CAMTA1: variants seen among roughly 807,000 people sequenced by gnomAD.
CAMTA1 encodes calmodulin-binding transcription activator 1.
CAMTA1 carries 27 observed loss-of-function variants against 170.9 expected under a neutral mutation model. That is an observed-to-expected ratio of 0.16 (90% confidence interval 0.12 to 0.22). CAMTA1 has a LOEUF of 0.22. CAMTA1 is among the 10% of genes least tolerant of loss of function. CAMTA1 has a pLI of 1.00. For synonymous variants in CAMTA1, 833 were observed against 891.5 expected, an observed-to-expected ratio of 0.93 and a Z score of 1.17; for missense variants, 1,619 against 2,217.2, an observed-to-expected ratio of 0.73 and a Z score of 5.42.
intron 3 of CAMTA1, among the ~76,000 whole-genome samples, chr1:6,926,524 C>G (rs1683273930): frequency 7.1e-6 from 1 of 141,150 alleles, no homozygotes; most frequent in African/African-American, 2.6e-5. Context: ...TTCCTTCTTT[C>G]TTTCTCTCTC....
intron 4 of CAMTA1, among the ~76,000 whole-genome samples, chr1:7,220,759 C>G (rs566613588): frequency 4.6e-5 from 7 of 152,234 alleles, no homozygotes; most frequent in African/African-American, 7.2e-5. Flanking sequence ...AGGAATTGTG[C>G]TCGGGCACCC....
At chr1:7,517,393 T>G (rs2094301665) in intron 6 of CAMTA1, among the ~76,000 whole-genome samples, 1 of 152,188 alleles carries the variant, frequency 6.6e-6, no homozygotes, top group Non-Finnish European at 1.5e-5. Flanking sequence ...TCCCTAAAGC[T>G]GTTCCCCAAC....
chr1:7,003,529 G>GTGC (rs1038145469), intron 3 of CAMTA1, among the ~76,000 whole-genome samples: 2 of 152,224 alleles, frequency 1.3e-5, no homozygotes, highest in African/African-American at 4.8e-5. Context: ...GCTTAGGGAG[G>GTGC]TGCTGATGGA....
chr1:7,633,499 A>G lies in CAMTA1; in HGVS notation c.511-6901A>G, dbSNP rs989990182. On this transcript the variant is annotated intron_variant, in intron 6 of 22. Transcript: ENST00000303635. This position sits in a 1 kb window ranked among gnomAD's most constrained non-coding sequence, Gnocchi z 4.1. ...GGATGGACACCGACTCCTTCCCCGC[A>G]CCCTAGTCTCTGTCTGTCCCTCTAG... Among the ~76,000 whole-genome samples the G allele has an allele frequency of 3.3e-5, 5 of 151,736 alleles. No homozygotes were observed. The highest frequency in any genetic ancestry group is 1.2e-4 in the African/African-American group (5 of 41,272).
chr1:7,542,839 G>GTT (rs200299440), intron 6 of CAMTA1, among the ~76,000 whole-genome samples: 92,745 of 128,734 alleles, frequency 0.72, 30,406 homozygotes, highest in Middle Eastern at 0.76. Flanking sequence ...CTAAAACACA[G>GTT]TGTGTGTGTG....
rs569947730 is a variant in CAMTA1, at chr1:7,344,384, G to A, written c.438+94758G>A. Among the ~76,000 whole-genome samples the A allele has an allele frequency of 9.2e-5, 14 of 152,302 alleles. No homozygotes were observed. In the South Asian group the frequency reaches 2.9e-3, roughly 32 times the overall value. On this transcript the variant is annotated intron_variant, in intron 5 of 22. Coordinates refer to ENST00000303635, the MANE Select transcript of CAMTA1 (RefSeq NM_015215.4). ...AGTCCTACCACATTCTATTGATGAA[G>A]CAAGTGACCAAGGCTGGCTGGATTA...
intron 4 of CAMTA1, among the ~76,000 whole-genome samples, chr1:7,220,724 C>A (rs1221816944): frequency 6.6e-6 from 1 of 152,254 alleles, no homozygotes; most frequent in Non-Finnish European, 1.5e-5. Context: ...GAGAGCCAAT[C>A]TTAGGCTGAG....
At chr1:7,354,421 T>C (rs374990451) in intron 5 of CAMTA1, among the ~76,000 whole-genome samples, 7 of 151,678 alleles carry the variant, frequency 4.6e-5, no homozygotes, top group Admixed American at 4.6e-4. Flanking sequence ...AGTGCTGGGA[T>C]TACAGGCTTG....
chr1:7,192,904 C>T lies in CAMTA1; in HGVS notation c.303-56587C>T, dbSNP rs144104867. On this transcript the variant is annotated intron_variant, in intron 4 of 22. Transcript: ENST00000303635. The stretch of plus-strand genomic sequence containing the variant: ...CAAGCTTTAGTCTGAGGTTCTAAGT[C>T]ATGCTGTGAAGGTCTCTGCAGAGTC... Among the ~76,000 whole-genome samples the T allele has an allele frequency of 5.9e-5, 9 of 152,320 alleles. No homozygotes were observed. The East Asian group carries it at 1.7e-3, about 29-fold the overall frequency.
At chr1:7,512,747 G>A (rs978832404) in intron 6 of CAMTA1, among the ~76,000 whole-genome samples, 7 of 152,250 alleles carry the variant, frequency 4.6e-5, no homozygotes, top group African/African-American at 1.7e-4. Flanking sequence ...CTGCTGAACA[G>A]AAGTGCATCC....
chr1:6,932,139 C>A (rs79609874), intron 3 of CAMTA1, among the ~76,000 whole-genome samples: 2,236 of 152,308 alleles, frequency 0.015, 45 homozygotes, highest in African/African-American at 0.051. Flanking sequence ...GTACCCATCA[C>A]CCCAGAAGTA....
At chr1:7,129,076 G>A (rs1270634895) in intron 4 of CAMTA1, among the ~76,000 whole-genome samples, 3 of 151,880 alleles carry the variant, frequency 2.0e-5, no homozygotes, top group Non-Finnish European at 4.4e-5. Flanking sequence ...GACCTCAAGT[G>A]ATCCACCCAC....
intron 4 of CAMTA1, among the ~76,000 whole-genome samples, chr1:7,159,327 A>G (rs773637324): frequency 1.3e-5 from 2 of 151,792 alleles, no homozygotes; most frequent in Non-Finnish European, 2.9e-5. Flanking sequence ...TGGAATTTAA[A>G]CTCTGGTAAC....
chr1:7,591,098 C>T (rs2095352161), intron 6 of CAMTA1, among the ~76,000 whole-genome samples: 2 of 152,102 alleles, frequency 1.3e-5, no homozygotes, highest in African/African-American at 2.4e-5. Context: ...GGGACTAGAC[C>T]CTCACTCCGA....
chr1:7,368,448 G>A (rs373344668), intron 5 of CAMTA1, among the ~76,000 whole-genome samples: 67 of 151,814 alleles, frequency 4.4e-4, no homozygotes, highest in East Asian at 2.2e-3. Flanking sequence ...TTCATTGGGC[G>A]CAGGCACTGG....
At chr1:6,939,798 T>C (rs1447763704) in intron 3 of CAMTA1, among the ~76,000 whole-genome samples, 1 of 152,224 alleles carries the variant, frequency 6.6e-6, no homozygotes, top group Non-Finnish European at 1.5e-5. Flanking sequence ...TGGCACTTCC[T>C]CTCCAAGGCT....
chr1:7,102,823 C>T (rs910923360), intron 4 of CAMTA1, among the ~76,000 whole-genome samples: 2 of 152,078 alleles, frequency 1.3e-5, no homozygotes, highest in African/African-American at 2.4e-5. Context: ...GTCATCTTCT[C>T]CCTGGGTTAT....
chr1:7,469,796 G>A (rs1478323152), intron 6 of CAMTA1, among the ~76,000 whole-genome samples: 1 of 152,148 alleles, frequency 6.6e-6, no homozygotes. Flanking sequence ...GGGCAGCCAC[G>A]AGGTCTGAGC....
At chr1:7,077,072 C>G (rs958317064) in intron 3 of CAMTA1, among the ~76,000 whole-genome samples, 10 of 152,216 alleles carry the variant, frequency 6.6e-5, no homozygotes, top group African/African-American at 1.2e-4. Flanking sequence ...GGCCTATAAT[C>G]AAGTCACACT....
Sources: gnomAD v4.1 joint callset for allele counts (sites outside exome capture counted in the v4.1 genomes callset) on GRCh38, gnomAD v4.1.1 for gene constraint, Gnocchi (gnomAD v3.1) non-coding constraint, MANE v1.5 for transcripts, NCBI Gene and HGNC (gene_info 2026-07-23, HGNC 2026-07-21) for gene names.